SLFN12L: variants seen among roughly 807,000 people sequenced by gnomAD.
SLFN12L encodes the protein schlafen family member 12 like, also known as schlafen family member 12-like.
A neutral mutation model predicts 34.8 loss-of-function variants in SLFN12L; 34 were observed. That is an observed-to-expected ratio of 0.98 (90% CI 0.74 to 1.30). The LOEUF is 1.30. SLFN12L is among the 50% of genes most tolerant of loss of function. The pLI is 0.00. For synonymous variants in SLFN12L, 259 were observed against 247.5 expected, an observed-to-expected ratio of 1.05 and a Z score of -0.44; for missense variants, 703 against 696.2, an observed-to-expected ratio of 1.01 and a Z score of -0.11.
Position 35,475,477 on chromosome 17 carries a change from C to A in SLFN12L, c.1285G>T (p.Glu429Ter). 1 of 1,604,416 alleles carries A rather than the reference C, an allele frequency of 6.2e-7. No homozygotes were observed. The highest frequency in any genetic ancestry group is 1.1e-5 in the South Asian group (1 of 89,608). Residue 429 changes from glutamate (E) to a stop codon, truncating the protein, a stop_gained, in exon 5 of 5, where the codon GAA becomes TAA. Coordinates refer to ENST00000628453, the MANE Select transcript of SLFN12L (RefSeq NM_001363830.2). LOFTEE classifies it low-confidence loss of function (END_TRUNC). ...GTTTTTGGAGCACAAGTTATCTTTTCTGATAGCCCTAGATGGGGAAATAAT... is the reference window on the plus strand; with the variant it reads ...GTTTTTGGAGCACAAGTTATCTTTTATGATAGCCCTAGATGGGGAAATAAT... ...PLRYHLPGLS[E>*]KITCAPKTFC...
At position 35,471,130 on chromosome 17, in the gene SLFN12L, A is replaced by C. The variant is rs531782202; in HGVS notation, c.*3793T>G. Among the ~76,000 whole-genome samples, 1 of 101,902 alleles carries C rather than the reference A, an allele frequency of 9.8e-6. No homozygotes were observed. The highest frequency in any genetic ancestry group is 5.1e-5 in the African/African-American group (1 of 19,666). 66.9% of individuals were successfully genotyped at this position (101,902 alleles called of 152,430 possible). On this transcript the variant is annotated 3_prime_UTR_variant, in exon 5 of 5. Transcript: ENST00000628453. ...AGTGGGGCAATAAACATATGTGTGC[A>C]TGTGTCTTTTTTTTTTTTTTTCTGA...
chr17:35,492,695 T>G (rs1914882792), intron 2 of SLFN12L, among the ~76,000 whole-genome samples: 2 of 152,118 alleles, frequency 1.3e-5, no homozygotes, highest in Admixed American at 1.3e-4. Flanking sequence ...GTTGGAGGTT[T>G]TGTGTCAGCT....
rs1567694863 is a variant in SLFN12L, at chr17:35,530,541, A to AC, written c.-606+7031_-606+7032insG. Among the ~76,000 whole-genome samples, 2 of 24,266 alleles carry AC rather than the reference A, an allele frequency of 8.2e-5. 1 individual carries two copies. The highest frequency in any genetic ancestry group is 1.7e-4 in the African/African-American group (2 of 11,546). The allele number at this position is 24,266 out of a possible 152,430, so 15.9% of individuals were successfully genotyped here. A position where few individuals can be genotyped will look rare whatever the true frequency, so the allele number is the denominator to read the frequency against. On this transcript the variant is annotated intron_variant, in intron 1 of 4. Coordinates refer to ENST00000628453, the MANE Select transcript of SLFN12L (RefSeq NM_001363830.2). ...AGAAAAGAAAAGAAAAGAAAAGAAA[A>AC]GAAAGAAAGAAAGAAAGAGAAAGGG...
At chr17:35,498,180 G>T (rs908148163) in intron 2 of SLFN12L, 4 of 239,682 alleles carry the variant, frequency 1.7e-5, no homozygotes, top group Admixed American at 6.6e-5. Context: ...GGGAGGCGGC[G>T]GCGTGGGGAG....
At chr17:35,523,933 T>C (rs949374259) in intron 1 of SLFN12L, among the ~76,000 whole-genome samples, 67 of 151,638 alleles carry the variant, frequency 4.4e-4, no homozygotes, top group African/African-American at 1.3e-3. Context: ...AGAACTTGTC[T>C]TAAAAAAAAA....
intron 1 of SLFN12L, among the ~76,000 whole-genome samples, chr17:35,524,684 C>G (rs553696134): frequency 1.3e-5 from 2 of 152,240 alleles, no homozygotes; most frequent in Non-Finnish European, 2.9e-5. Flanking sequence ...CACATCCACT[C>G]AGAGACCCCA....
intron 4 of SLFN12L, among the ~76,000 whole-genome samples, chr17:35,477,822 T>C (rs1371227317): frequency 6.6e-6 from 1 of 152,146 alleles, no homozygotes; most frequent in African/African-American, 2.4e-5. Flanking sequence ...TAAAGTGAGC[T>C]ATCTACTTTG....
At chr17:35,512,527 G>A (rs537880106) in intron 2 of SLFN12L, among the ~76,000 whole-genome samples, 17 of 151,970 alleles carry the variant, frequency 1.1e-4, no homozygotes, top group African/African-American at 3.1e-4. Context: ...CACCATGTCC[G>A]GCTAATTTTT....
intron 2 of SLFN12L, among the ~76,000 whole-genome samples, chr17:35,501,999 GAGAGAGAAAGAGAAGC>G: frequency 6.6e-6 from 1 of 152,098 alleles, no homozygotes; most frequent in South Asian, 2.1e-4. Flanking sequence ...CAAGAAGAGA[GAGAGAGAAAGAGAAGC>G]AGAGAGAGAG....
chr17:35,511,904 T>C (rs1360899602), intron 2 of SLFN12L, among the ~76,000 whole-genome samples: 2 of 152,228 alleles, frequency 1.3e-5, no homozygotes, highest in Non-Finnish European at 2.9e-5. Flanking sequence ...ATGGCACTAA[T>C]ACATATTTTC....
At chr17:35,478,935 G>T (rs1914158131) in intron 3 of SLFN12L, among the ~76,000 whole-genome samples, 182 bp downstream of exon 3, 1 of 152,208 alleles carries the variant, frequency 6.6e-6, no homozygotes. Context: ...TTTAGTTATT[G>T]TATGGAATAT....
intron 1 of SLFN12L, among the ~76,000 whole-genome samples, chr17:35,523,560 C>G (rs12051819): frequency 0.084 from 12,758 of 152,206 alleles, 1,001 homozygotes; most frequent in African/African-American, 0.2. Flanking sequence ...AGGCTCCCCC[C>G]CATTACAAAA....
intron 2 of SLFN12L, among the ~76,000 whole-genome samples, chr17:35,486,979 C>T (rs1159939956): frequency 6.6e-6 from 1 of 152,244 alleles, no homozygotes; most frequent in Non-Finnish European, 1.5e-5. Flanking sequence ...ACTGCTTTCA[C>T]CCTTTCCCTC....
In SLFN12L at chr17:35,475,279, G is replaced by C. The variant is rs772380975; in HGVS notation, c.1483C>G (p.Pro495Ala). Residue 495 changes from proline (P) to alanine (A), a missense_variant, in exon 5 of 5, where the codon CCT becomes GCT. Transcript: ENST00000628453. The part of the protein sequence containing the change: ...CDALLISQDK[P>A]PVLYTFHMVQ... ...ATGTGGAAGGTGTATAGGACTGGAG[G>C]CTTGTCCTGGGAAATCAGAAGAGCA... The C allele has an allele frequency of 4.3e-6, 7 of 1,614,150 alleles. No homozygotes were observed. The East Asian group carries it at 8.9e-5, about 21-fold the overall frequency.
In SLFN12L at chr17:35,469,327, A is replaced by ATAT. The variant is rs1005906804; in HGVS notation, c.*5595_*5596insATA. ...AAAATATATATATATTATATATATA[A>ATAT]ATATATATATAATATATATATATAT... On this transcript the variant is annotated 3_prime_UTR_variant, in exon 5 of 5. Transcript: ENST00000628453. Among the ~76,000 whole-genome samples, 1 of 100,848 alleles carries ATAT rather than the reference A, an allele frequency of 9.9e-6. No homozygotes were observed. Among genetic ancestry groups the ATAT allele is most frequent in the South Asian group, 4.8e-4 (1 of 2,072 alleles). The allele number at this position is 100,848 out of a possible 152,430, so 66.2% of individuals were successfully genotyped here. A position where few individuals can be genotyped will look rare whatever the true frequency, so the allele number is the denominator to read the frequency against.
At position 35,468,938 on chromosome 17, in the gene SLFN12L, G is replaced by A. The variant is rs1913756829; in HGVS notation, c.*5985C>T. Among the ~76,000 whole-genome samples, 1 of 152,096 alleles carries A rather than the reference G, an allele frequency of 6.6e-6. No individual in the cohort carries two copies. The highest frequency in any genetic ancestry group is 2.4e-5 in the African/African-American group (1 of 41,490). ...GTCTGAGGCAGGAGAATCTCTTGATGTCGGGAGGTCAAGGCTGTAATGAGC... is the reference window on the plus strand; with the variant it reads ...GTCTGAGGCAGGAGAATCTCTTGATATCGGGAGGTCAAGGCTGTAATGAGC... On this transcript the variant is annotated 3_prime_UTR_variant, in exon 5 of 5. Coordinates refer to ENST00000628453, the MANE Select transcript of SLFN12L (RefSeq NM_001363830.2).
At chr17:35,531,534 G>A (rs1490257541) in intron 1 of SLFN12L, among the ~76,000 whole-genome samples, 1 of 152,130 alleles carries the variant, frequency 6.6e-6, no homozygotes, top group Admixed American at 6.6e-5. Context: ...CTATGGACAT[G>A]TTCTTTCAAG....
At chr17:35,490,661 C>A (rs780288166) in intron 2 of SLFN12L, 108 of 983,112 alleles carry the variant, frequency 1.1e-4, no homozygotes, top group Middle Eastern at 6.2e-4. Context: ...CCAAGCTGCA[C>A]GCTGGACCTC....
intron 1 of SLFN12L, among the ~76,000 whole-genome samples, chr17:35,531,382 A>T (rs921706525): frequency 6.6e-5 from 10 of 152,166 alleles, no homozygotes; most frequent in Non-Finnish European, 1.3e-4. Context: ...TCATGATCTT[A>T]CTCATATGTC....
Sources: allele counts gnomAD v4.1 joint callset (sites outside exome capture counted in the v4.1 genomes callset), GRCh38; gene constraint gnomAD v4.1.1; transcripts MANE v1.5; gene names NCBI Gene and HGNC (gene_info 2026-07-23, HGNC 2026-07-21).